The following ITGAV variants were observed in gnomAD, a reference collection of about 807,000 sequenced individuals.
ITGAV encodes the protein integrin alpha-V.
ITGAV carries 76 observed loss-of-function variants against 143.8 expected under a neutral mutation model. The observed-to-expected ratio is 0.53, with a 90% confidence interval of 0.44 to 0.64. The LOEUF (loss-of-function observed/expected upper bound fraction) is 0.64, where lower values mean the gene tolerates loss of function less well. ITGAV is among the 30% of genes least tolerant of loss of function. The pLI is 0.00. For missense variants in ITGAV, 1,193 were observed against 1,274.7 expected (o/e 0.94, Z 0.98); for synonymous variants, 453 against 446.7 (o/e 1.01, Z -0.18).
At chr2:186,624,160 T>C (rs374312877) in intron 3 of ITGAV, among the ~76,000 whole-genome samples, 3 of 152,298 alleles carry the variant, frequency 2.0e-5, no homozygotes, top group African/African-American at 7.2e-5. Flanking sequence ...GTTAGTACCT[T>C]AGTGTTTGTG....
intron 1 of ITGAV, among the ~76,000 whole-genome samples, chr2:186,599,944 G>C (rs1001873061): frequency 1.3e-5 from 2 of 152,128 alleles, no homozygotes; most frequent in Non-Finnish European, 2.9e-5. Flanking sequence ...CCTGCTCCCT[G>C]AGCTGCGGCC....
At chr2:186,676,099 G>A (rs988990276) in intron 28 of ITGAV, 172 bp downstream of exon 28, 21 of 555,912 alleles carry the variant, frequency 3.8e-5, no homozygotes, top group Admixed American at 1.4e-4. Context: ...TCCTTACCCC[G>A]AAGTGATTAA....
At chr2:186,636,872 CTATT>C (rs751151167) in intron 7 of ITGAV, among the ~76,000 whole-genome samples, 189 bp from the exon 8 acceptor site, 4 of 152,126 alleles carry the variant, frequency 2.6e-5, no homozygotes, top group African/African-American at 4.8e-5. Flanking sequence ...TAAAAATAGA[CTATT>C]TGAGTATTTA....
chr2:186,666,917 A>G (rs1688914110), intron 22 of ITGAV, 134 bp downstream of exon 22: 1 of 564,684 alleles, frequency 1.8e-6, no homozygotes, highest in Non-Finnish European at 3.0e-6. Flanking sequence ...TAAAATCAAT[A>G]TTTACATTAT....
intron 26 of ITGAV, among the ~76,000 whole-genome samples, chr2:186,674,122 C>A (rs1689142261): frequency 1.3e-5 from 2 of 151,904 alleles, no homozygotes; most frequent in Non-Finnish European, 2.9e-5. Context: ...TATAGGTGCA[C>A]CCACCACACC....
In ITGAV at chr2:186,677,639, T is replaced by TTTG. The variant is rs750013127; in HGVS notation, c.*377_*379dup. 3,662 of 189,210 alleles carry TTTG rather than the reference T, an allele frequency of 0.019. 133 individuals are homozygous for TTTG. The highest frequency in any genetic ancestry group is 0.077 in the African/African-American group (3,210 of 41,906). 11.7% of individuals were successfully genotyped at this position (189,210 alleles called of 1,614,324 possible). On this transcript the variant is annotated 3_prime_UTR_variant, in exon 30 of 30. Transcript: ENST00000261023. Reference sequence around the variant, plus strand: ...TTCTGATTTAATGTACGGAACTTTATTTGTTGTTGTTGTTGTTGTTGTTGT... The same window carrying TTTG: ...TTCTGATTTAATGTACGGAACTTTATTTGTTGTTGTTGTTGTTGTTGTTGTTGT...
intron 16 of ITGAV, among the ~76,000 whole-genome samples, chr2:186,655,162 C>G (rs1029749908): frequency 1.1e-4 from 16 of 152,192 alleles, no homozygotes; most frequent in Admixed American, 6.5e-4. Flanking sequence ...ACAGCAAACT[C>G]TACTCTTCTT....
At position 186,675,934 on chromosome 2, in the gene ITGAV, C is replaced by T; in HGVS notation, c.2928+7C>T. The T allele has an allele frequency of 7.0e-7, 1 of 1,432,302 alleles. No individual in the cohort carries two copies. The highest frequency in any genetic ancestry group is 9.8e-7 in the Non-Finnish European group (1 of 1,017,122). The allele number at this position is 1,432,302 out of a possible 1,614,324, so 88.7% of individuals were successfully genotyped here. A position where few individuals can be genotyped will look rare whatever the true frequency, so the allele number is the denominator to read the frequency against. ...TATCACCAACTCCACATTGGTAAGTCATTGGTTTAGGCAAATAGAATAAAT... is the reference window on the plus strand; with the variant it reads ...TATCACCAACTCCACATTGGTAAGTTATTGGTTTAGGCAAATAGAATAAAT... On this transcript the variant is annotated splice_region_variant and intron_variant, in intron 28 of 29. Transcript: ENST00000261023.
intron 2 of ITGAV, among the ~76,000 whole-genome samples, chr2:186,608,461 G>A (rs1687127160): frequency 6.6e-6 from 1 of 152,156 alleles, no homozygotes; most frequent in South Asian, 2.1e-4. Context: ...AAATTTTACA[G>A]TAAAGTGCTT....
At chr2:186,615,709 A>G (rs1228960242) in intron 2 of ITGAV, among the ~76,000 whole-genome samples, 1 of 151,764 alleles carries the variant, frequency 6.6e-6, no homozygotes, top group Non-Finnish European at 1.5e-5. Context: ...TTAGGATACA[A>G]GTTTTTAATC....
At chr2:186,630,904 G>T in intron 5 of ITGAV, 46 bp downstream of exon 5, 2 of 1,028,852 alleles carry the variant, frequency 1.9e-6, no homozygotes, top group South Asian at 2.8e-5. Context: ...CTACCTTATT[G>T]ACTAGACTGT....
intron 15 of ITGAV, among the ~76,000 whole-genome samples, chr2:186,653,426 G>T (rs1688498646): frequency 6.6e-6 from 1 of 152,100 alleles, no homozygotes; most frequent in Non-Finnish European, 1.5e-5. Flanking sequence ...CAGACGAGTT[G>T]CAGAGAACTT....
intron 4 of ITGAV, among the ~76,000 whole-genome samples, chr2:186,629,134 A>T (rs1409418535): frequency 6.6e-6 from 1 of 152,122 alleles, no homozygotes; most frequent in East Asian, 1.9e-4. Flanking sequence ...TATTTGTAAT[A>T]TAATTACCAG....
chr2:186,647,087 C>CT (rs1188784649), intron 13 of ITGAV, among the ~76,000 whole-genome samples: 3 of 152,152 alleles, frequency 2.0e-5, no homozygotes, highest in African/African-American at 4.8e-5. Flanking sequence ...ACAGTGTACT[C>CT]TGAGTTTCTC....
intron 2 of ITGAV, among the ~76,000 whole-genome samples, chr2:186,614,506 T>C (rs2105673614): frequency 6.6e-6 from 1 of 152,198 alleles, no homozygotes; most frequent in Middle Eastern, 3.4e-3. Context: ...ATTTGCCAAA[T>C]AGGAAAATAC....
At chr2:186,641,639 G>A in intron 12 of ITGAV, 51 bp downstream of exon 12, 2 of 1,502,020 alleles carry the variant, frequency 1.3e-6, no homozygotes, top group Non-Finnish European at 1.8e-6. Context: ...GTGTCCACCT[G>A]GAAAAGTTCT....
At chr2:186,642,154 AT>A (rs1688122080) in intron 12 of ITGAV, among the ~76,000 whole-genome samples, 1 of 152,218 alleles carries the variant, frequency 6.6e-6, no homozygotes, top group African/African-American at 2.4e-5. Context: ...AGTTGTCGAT[AT>A]CTTTAAAAAG....
intron 1 of ITGAV, among the ~76,000 whole-genome samples, chr2:186,592,566 C>CT (rs922476413): frequency 1.6e-5 from 2 of 122,272 alleles, no homozygotes; most frequent in African/African-American, 5.5e-5. Context: ...GGCTGATAAA[C>CT]TTTAAGTGTT....
rs1225346630 is a variant in ITGAV, at chr2:186,668,185, C to CAT, written c.2433+440_2433+441dup. Among the ~76,000 whole-genome samples the CAT allele has an allele frequency of 9.6e-3, 183 of 19,058 alleles. 9 individuals are homozygous for CAT. Among genetic ancestry groups the CAT allele is most frequent in the Middle Eastern group, 0.028 (1 of 36 alleles). 12.5% of individuals were successfully genotyped at this position (19,058 alleles called of 152,430 possible). A position where few individuals can be genotyped will look rare whatever the true frequency, so the allele number is the denominator to read the frequency against. Reference sequence around the variant, plus strand: ...TTTGCCTTTTGTTTATACATACATACATATATATATATATATATATATATA... The same window carrying CAT: ...TTTGCCTTTTGTTTATACATACATACATATATATATATATATATATATATATA... On this transcript the variant is annotated intron_variant, in intron 24 of 29. Transcript: ENST00000261023.
Sources: allele counts gnomAD v4.1 joint callset (sites outside exome capture counted in the v4.1 genomes callset), GRCh38; gene constraint gnomAD v4.1.1; transcripts MANE v1.5; gene names NCBI Gene and HGNC (gene_info 2026-07-23, HGNC 2026-07-21).